ZMYM4: variants seen among roughly 807,000 people sequenced by gnomAD.
ZMYM4 encodes the protein zinc finger MYM-type containing 4, also known as zinc finger MYM-type protein 4.
In ZMYM4, 31 loss-of-function variants were observed where a neutral mutation model predicts 183.2. The ratio of observed to expected loss-of-function variants is 0.17; its 90% CI spans 0.13 to 0.23. The LOEUF is 0.23. Among genes scored for constraint, ZMYM4 ranks in the 10% least tolerant of loss-of-function variants. ZMYM4 has a pLI of 1.00. For synonymous variants in ZMYM4, 592 were observed against 631.2 expected (o/e 0.94, Z 0.93); for missense variants, 1,273 against 1,840.3 (o/e 0.69, Z 5.64).
At chr1:35,392,563 T>C (rs561745711) in intron 16 of ZMYM4, 84 bp from the exon 17 acceptor site, 4 of 1,358,420 alleles carry the variant, frequency 2.9e-6, no homozygotes, top group Non-Finnish European at 4.1e-6. Context: ...TGAGGGTTTG[T>C]GTTTATGTAC....
At chr1:35,307,755 C>T (rs955978384) in intron 1 of ZMYM4, among the ~76,000 whole-genome samples, 9 of 151,690 alleles carry the variant, frequency 5.9e-5, no homozygotes, top group Non-Finnish European at 1.0e-4. Context: ...AGGATGGTCT[C>T]GATCTCCTGA....
intron 7 of ZMYM4, among the ~76,000 whole-genome samples, chr1:35,371,065 G>GTGTGTGTT (rs1422166399): frequency 1.6e-4 from 14 of 88,114 alleles, no homozygotes; most frequent in African/African-American, 8.2e-4. Flanking sequence ...GGCTTCCAGT[G>GTGTGTGTT]TGTGTGTGTG....
chr1:35,396,082 A>G (rs376399708), intron 18 of ZMYM4, among the ~76,000 whole-genome samples: 320 of 152,270 alleles, frequency 2.1e-3, no homozygotes, highest in African/African-American at 7.4e-3. Flanking sequence ...AACAGTTGAT[A>G]TATTTTTTAT....
At chr1:35,370,337 A>ATTT in intron 6 of ZMYM4, 35 bp from the exon 7 acceptor site, 6 of 1,077,290 alleles carry the variant, frequency 5.6e-6, no homozygotes, top group South Asian at 3.5e-5. Flanking sequence ...TTTTTCTTTC[A>ATTT]ATTTTTTTTT....
rs373301723 is a variant in ZMYM4 at position 35,328,530 on chromosome 1, A to T, written c.85+3125A>T. 1.2e-4 allele frequency among the ~76,000 whole-genome samples: 18 copies of T among 146,104 alleles called. No individual in the cohort carries two copies. In the East Asian group the frequency reaches 3.2e-3, roughly 26 times the overall value. On this transcript the variant is annotated intron_variant, in intron 2 of 29. Coordinates refer to ENST00000314607, the MANE Select transcript of ZMYM4 (RefSeq NM_005095.3). Reference sequence around the variant, plus strand: ...AATCAGGTCTTAAACACCTGGCCTCAAACAATCCTCCTGCCTTGGCCTCCC... The same window carrying T: ...AATCAGGTCTTAAACACCTGGCCTCTAACAATCCTCCTGCCTTGGCCTCCC...
chr1:35,352,619 T>A (rs1214325881), intron 2 of ZMYM4, among the ~76,000 whole-genome samples: 2 of 152,294 alleles, frequency 1.3e-5, no homozygotes, highest in East Asian at 3.9e-4. Context: ...GAAGTTAAGT[T>A]CTCAGTCTTC....
intron 1 of ZMYM4, among the ~76,000 whole-genome samples, chr1:35,274,154 A>G (rs1052203014): frequency 1.4e-5 from 2 of 143,026 alleles, no homozygotes; most frequent in Non-Finnish European, 3.0e-5. Flanking sequence ...TATCATTACA[A>G]TATTTGCGGT....
chr1:35,381,108 G>T, intron 7 of ZMYM4, 151 bp from the exon 8 acceptor site: 1 of 592,018 alleles, frequency 1.7e-6, no homozygotes, highest in South Asian at 3.8e-5. Flanking sequence ...ATTTTTAAGT[G>T]TCTCCCAGAA....
intron 2 of ZMYM4, among the ~76,000 whole-genome samples, chr1:35,327,414 A>T (rs1233657690): frequency 6.6e-6 from 1 of 152,226 alleles, no homozygotes; most frequent in Non-Finnish European, 1.5e-5. Context: ...TATGAAAGAC[A>T]AATTTTGTCA....
rs529218879 is a variant in ZMYM4 at position 35,361,890 on chromosome 1, G to C, written c.840+101G>C. 2.2e-5 allele frequency: 31 copies of C among 1,437,628 alleles called. 1 individual carries two copies. The South Asian group carries it at 4.5e-4, about 21-fold the overall frequency. 89.1% of individuals were successfully genotyped at this position (1,437,628 alleles called of 1,614,324 possible). A position where few individuals can be genotyped will look rare whatever the true frequency, so the allele number is the denominator to read the frequency against. Reference sequence around the variant, plus strand: ...AAGAAGTGAAATAGTTTGTTGACAGGGTGAAAGGAAACTCTTAAAGAAGGT... The same window carrying C: ...AAGAAGTGAAATAGTTTGTTGACAGCGTGAAAGGAAACTCTTAAAGAAGGT... On this transcript the variant is annotated intron_variant, in intron 5 of 29. Coordinates refer to ENST00000314607, the MANE Select transcript of ZMYM4 (RefSeq NM_005095.3).
At chr1:35,373,528 C>T (rs1467242465) in intron 7 of ZMYM4, among the ~76,000 whole-genome samples, 1 of 150,484 alleles carries the variant, frequency 6.6e-6, no homozygotes, top group Non-Finnish European at 1.5e-5. Flanking sequence ...CAGGCATCCG[C>T]CACCATGCAC....
chr1:35,328,831 T>C (rs566269819), intron 2 of ZMYM4, among the ~76,000 whole-genome samples: 3 of 152,244 alleles, frequency 2.0e-5, no homozygotes, highest in African/African-American at 7.2e-5. Context: ...AAAGCTCCGA[T>C]ACCAAAGATG....
intron 5 of ZMYM4, among the ~76,000 whole-genome samples, chr1:35,363,040 C>T (rs1429744078): frequency 6.6e-6 from 1 of 152,130 alleles, no homozygotes; most frequent in Non-Finnish European, 1.5e-5. Context: ...GGCATGGTGG[C>T]GGGTGCCTGT....
At chr1:35,322,553 C>G (rs901231766) in intron 1 of ZMYM4, among the ~76,000 whole-genome samples, 1 of 152,150 alleles carries the variant, frequency 6.6e-6, no homozygotes, top group South Asian at 2.1e-4. Flanking sequence ...GAGAATAGAT[C>G]ATTGGGTTTA....
At chr1:35,415,836 A>G (rs919812539) in intron 28 of ZMYM4, 122 bp downstream of exon 28, 1 of 1,318,070 alleles carries the variant, frequency 7.6e-7, no homozygotes, top group Non-Finnish European at 1.0e-6. Flanking sequence ...TAACATTTGA[A>G]TATTTTTCTC....
intron 1 of ZMYM4, among the ~76,000 whole-genome samples, chr1:35,271,031 G>C (rs1036224582): frequency 1.3e-5 from 2 of 152,178 alleles, no homozygotes; most frequent in African/African-American, 4.8e-5. Context: ...TGGAATGCAT[G>C]TGTTTTGAAA....
intron 1 of ZMYM4, among the ~76,000 whole-genome samples, chr1:35,291,634 CTTTTT>C (rs1296107892): frequency 7.7e-6 from 1 of 129,338 alleles, no homozygotes; most frequent in Non-Finnish European, 1.7e-5. Flanking sequence ...GTGATTGTTA[CTTTTT>C]TTTTTTTTTT....
At chr1:35,332,435 CT>C (rs1320207004) in intron 2 of ZMYM4, among the ~76,000 whole-genome samples, 5 of 130,430 alleles carry the variant, frequency 3.8e-5, no homozygotes, top group Non-Finnish European at 6.3e-5. Flanking sequence ...TCCACAATGT[CT>C]TTGGTCTTGA....
intron 24 of ZMYM4, 44 bp downstream of exon 24, chr1:35,405,238 A>C (rs1644981297): frequency 6.2e-7 from 1 of 1,602,096 alleles, no homozygotes; most frequent in Admixed American, 1.7e-5. Flanking sequence ...GGTAGGGGGA[A>C]ATATACAGAT....
Sources: allele counts gnomAD v4.1 joint callset (sites outside exome capture counted in the v4.1 genomes callset), GRCh38; gene constraint gnomAD v4.1.1; transcripts MANE v1.5; gene names NCBI Gene and HGNC (gene_info 2026-07-23, HGNC 2026-07-21).